Variants in INPP5A observed in about 807,000 individuals in gnomAD.
INPP5A encodes the protein 43 kDa inositol polyphosphate 5-phophatase.
In INPP5A, 14 loss-of-function variants were observed where a neutral mutation model predicts 65.2. That is an observed-to-expected ratio of 0.21 (90% CI 0.14 to 0.34). The LOEUF is 0.34. INPP5A is among the 10% of genes least tolerant of loss of function. The pLI, the probability that INPP5A is intolerant of heterozygous loss-of-function variation, is 1.00. For missense variants in INPP5A, 431 were observed against 545.6 expected (o/e 0.79, Z 2.09); for synonymous variants, 207 against 208.3 (o/e 0.99, Z 0.05).
intron 1 of INPP5A, among the ~76,000 whole-genome samples, chr10:132,581,992 C>T (rs982506261): frequency 6.6e-6 from 1 of 152,080 alleles, no homozygotes; most frequent in South Asian, 2.1e-4. Context: ...TGCCTGTCAC[C>T]ATGCCCAGCT....
At chr10:132,682,341 G>A (rs371766482) in intron 4 of INPP5A, among the ~76,000 whole-genome samples, 4 of 152,334 alleles carry the variant, frequency 2.6e-5, no homozygotes, top group East Asian at 1.9e-4. Context: ...TTCGTTAGGC[G>A]CGGACTGCGT....
chr10:132,579,359 G>C (rs1247012155), intron 1 of INPP5A, among the ~76,000 whole-genome samples: 2 of 152,070 alleles, frequency 1.3e-5, no homozygotes, highest in African/African-American at 4.8e-5. Context: ...CATGAACTCC[G>C]TTTTCCTCCT....
At chr10:132,773,103 C>G (rs1018806541) in intron 12 of INPP5A, among the ~76,000 whole-genome samples, 1 of 152,244 alleles carries the variant, frequency 6.6e-6, no homozygotes, top group Non-Finnish European at 1.5e-5. Context: ...GGCTGTGGGC[C>G]GGCGCAGGGT....
At chr10:132,720,510 G>A (rs1845850090) in intron 8 of INPP5A, among the ~76,000 whole-genome samples, 1 of 151,016 alleles carries the variant, frequency 6.6e-6, no homozygotes, top group East Asian at 2.0e-4. Flanking sequence ...TGTCTTGCGG[G>A]TTCTTTGGTG....
intron 11 of INPP5A, among the ~76,000 whole-genome samples, chr10:132,752,966 C>G (rs912964951): frequency 5.9e-5 from 9 of 152,088 alleles, no homozygotes; most frequent in Admixed American, 5.9e-4. Flanking sequence ...ATTGCGGAGG[C>G]CTGGTGCACT....
chr10:132,628,002 AG>A (rs2072211362), intron 2 of INPP5A, among the ~76,000 whole-genome samples: 1 of 152,154 alleles, frequency 6.6e-6, no homozygotes, highest in Non-Finnish European at 1.5e-5. Context: ...ATTGCCCAGG[AG>A]GGTGTTTACA....
chr10:132,690,564 TG>T, intron 5 of INPP5A, 109 bp downstream of exon 5: 1 of 813,862 alleles, frequency 1.2e-6, no homozygotes, highest in Non-Finnish European at 2.1e-6. Flanking sequence ...CACTGTGGGC[TG>T]GGTGTCTTGA....
In INPP5A at chr10:132,550,502, C is replaced by T. The variant is rs988240266; in HGVS notation, c.75+12331C>T. On this transcript the variant is annotated intron_variant, in intron 1 of 15. Transcript: ENST00000368594. The surrounding 1 kb of genome is among the most constrained non-coding windows in gnomAD (Gnocchi z 4.2). ...AGCAGCGCCCGTGAGAGGAGGGAAG[C>T]GACACCCTTGGGCTGAGCTTTTCCG... 1.4e-4 allele frequency among the ~76,000 whole-genome samples: 22 copies of T among 152,304 alleles called. No homozygotes were observed. The highest frequency in any genetic ancestry group is 3.9e-4 in the East Asian group (2 of 5,188).
At chr10:132,758,227 G>A (rs1160376570) in intron 11 of INPP5A, among the ~76,000 whole-genome samples, 4 of 123,222 alleles carry the variant, frequency 3.2e-5, no homozygotes. Flanking sequence ...GTGCGATGTC[G>A]TGGGTCCCTG....
In INPP5A at chr10:132,705,594, T is replaced by C. The variant is rs988597769; in HGVS notation, c.475-2719T>C. Reference sequence around the variant, plus strand: ...GAGTGTACAGGAAGTCTCTGTACCTTATGCTCAATTCTTCTGGAAGCCTAA... The same window carrying C: ...GAGTGTACAGGAAGTCTCTGTACCTCATGCTCAATTCTTCTGGAAGCCTAA... On this transcript the variant is annotated intron_variant, in intron 6 of 15. Transcript: ENST00000368594. The surrounding 1 kb of genome is among the most constrained non-coding windows in gnomAD (Gnocchi z 4.9). 6.6e-6 allele frequency among the ~76,000 whole-genome samples: 1 copy of C among 152,244 alleles called. No individual in the cohort carries two copies. Among genetic ancestry groups the C allele is most frequent in the Non-Finnish European group, 1.5e-5 (1 of 68,044 alleles).
intron 2 of INPP5A, among the ~76,000 whole-genome samples, chr10:132,628,360 A>G (rs1173444396): frequency 7.2e-6 from 1 of 139,714 alleles, no homozygotes; most frequent in South Asian, 2.3e-4. Flanking sequence ...AGTGAATTCC[A>G]CCGGGCCGGC....
At chr10:132,618,964 C>T (rs2072077731) in intron 2 of INPP5A, among the ~76,000 whole-genome samples, 1 of 152,212 alleles carries the variant, frequency 6.6e-6, no homozygotes. Flanking sequence ...GGACACATTT[C>T]AACATGAGAT....
At chr10:132,716,404 T>C (rs921705935) in intron 8 of INPP5A, among the ~76,000 whole-genome samples, 1 of 152,238 alleles carries the variant, frequency 6.6e-6, no homozygotes, top group Non-Finnish European at 1.5e-5. Flanking sequence ...GGTTTATGTC[T>C]TTACACATGT....
intron 2 of INPP5A, among the ~76,000 whole-genome samples, chr10:132,620,135 C>A (rs573894711): frequency 1.3e-5 from 2 of 152,338 alleles, no homozygotes; most frequent in South Asian, 4.1e-4. Flanking sequence ...TGAAACCATT[C>A]TTTCCTCCTA....
chr10:132,690,358 A>G (rs1845237863), intron 4 of INPP5A, 34 bp from the exon 5 acceptor site: 1 of 1,309,506 alleles, frequency 7.6e-7, no homozygotes, highest in Admixed American at 1.7e-5. Flanking sequence ...TCCCAGCACC[A>G]GTCTCTCATT....
At chr10:132,712,211 G>A (rs929502341) in intron 8 of INPP5A, among the ~76,000 whole-genome samples, 9 of 152,096 alleles carry the variant, frequency 5.9e-5, no homozygotes, top group Non-Finnish European at 1.0e-4. Flanking sequence ...GTGCCTGTGC[G>A]TGTGTGCATG....
At position 132,690,436 on chromosome 10, in the gene INPP5A, C is replaced by A. The variant is rs776545394; in HGVS notation, c.351C>A (p.Ile117=). 4.3e-6 allele frequency: 7 copies of A among 1,612,778 alleles called. No individual in the cohort carries two copies. Among genetic ancestry groups the A allele is most frequent in the Admixed American group, 1.7e-5 (1 of 60,006 alleles). ...TTCTTCATGAGTCCTTAAAAAACAT[C>A]TACCAGTTTGACTTTAAAGGTAAGA... The part of the protein sequence containing the change: ...FYFLHESLKN[I]YQFDFKAKKY... Residue 117 remains isoleucine, a synonymous_variant, in exon 5 of 16, where the codon ATC becomes ATA. Transcript: ENST00000368594.
At chr10:132,742,560 C>G (rs968331953) in intron 9 of INPP5A, among the ~76,000 whole-genome samples, 1 of 152,238 alleles carries the variant, frequency 6.6e-6, no homozygotes, top group African/African-American at 2.4e-5. Context: ...CAGGCTGTGT[C>G]CAGCCAGAGC....
At chr10:132,720,368 C>G (rs1845845673) in intron 8 of INPP5A, among the ~76,000 whole-genome samples, 1 of 140,988 alleles carries the variant, frequency 7.1e-6, no homozygotes, top group African/African-American at 2.8e-5. Context: ...TTCTGTGGTA[C>G]CTGGGTTCTG....
Sources: allele counts gnomAD v4.1 joint callset (sites outside exome capture counted in the v4.1 genomes callset), GRCh38; gene constraint gnomAD v4.1.1; non-coding constraint Gnocchi (gnomAD v3.1); transcripts MANE v1.5; gene names NCBI Gene and HGNC (gene_info 2026-07-23, HGNC 2026-07-21).